The following LYPD6B variants were observed in gnomAD, a reference collection of about 807,000 sequenced individuals.
LYPD6B encodes the protein LY6/PLAUR domain containing 6B, also known as ly6/PLAUR domain-containing protein 6B.
A neutral mutation model predicts 22.8 loss-of-function variants in LYPD6B; 17 were observed. That is an observed-to-expected ratio of 0.75 (90% confidence interval 0.51 to 1.12). The LOEUF (loss-of-function observed/expected upper bound fraction) is 1.12, where lower values mean the gene tolerates loss of function less well. Ranked by LOEUF, LYPD6B falls within the 50% of genes most tolerant of loss-of-function variation. The probability of loss-of-function intolerance (pLI) is 0.00; values close to 1 mark genes in which losing one functional copy is unlikely to be tolerated. For synonymous variants in LYPD6B, 106 were observed against 91.6 expected (o/e 1.16, Z -0.90); for missense variants, 221 against 258.3 (o/e 0.86, Z 0.99).
At chr2:149,203,062 C>T (rs1423128127) in intron 3 of LYPD6B, among the ~76,000 whole-genome samples, 1 of 152,140 alleles carries the variant, frequency 6.6e-6, no homozygotes, top group African/African-American at 2.4e-5. Context: ...GAGCTTTAAC[C>T]ATGTGCTCAG....
intron 1 of LYPD6B, among the ~76,000 whole-genome samples, chr2:149,095,688 G>A (rs775931398): frequency 1.1e-4 from 16 of 152,240 alleles, no homozygotes; most frequent in South Asian, 6.2e-4. Flanking sequence ...GTGAAAGGGA[G>A]AGGGTGCAGG....
intron 4 of LYPD6B, chr2:149,205,971 T>A: frequency 2.2e-6 from 1 of 460,206 alleles, no homozygotes; most frequent in Middle Eastern, 4.0e-4. Context: ...TACATATGTC[T>A]AGATATGTGT....
chr2:149,168,294 T>C (rs1690572280), intron 3 of LYPD6B, among the ~76,000 whole-genome samples: 2 of 151,024 alleles, frequency 1.3e-5, no homozygotes, highest in East Asian at 1.9e-4. Context: ...GTGCTTTCAA[T>C]GGTTAAAGGC....
In LYPD6B at chr2:149,211,211, G is replaced by T. The variant is rs78699516; in HGVS notation, c.329-1781G>T. Among the ~76,000 whole-genome samples, 354 of 152,262 alleles carry T rather than the reference G, an allele frequency of 2.3e-3. 5 individuals are homozygous for T. Among genetic ancestry groups the T allele is most frequent in the East Asian group, 0.022 (113 of 5,162 alleles). ...CCATTCATGAAGGATCCACCCCCAT[G>T]ATTTAATCACCTCCCCTCTCCAACA... On this transcript the variant is annotated intron_variant, in intron 5 of 6. Transcript: ENST00000409642.
At chr2:149,170,658 A>G (rs1318846794) in intron 3 of LYPD6B, among the ~76,000 whole-genome samples, 2 of 152,228 alleles carry the variant, frequency 1.3e-5, no homozygotes, top group East Asian at 3.8e-4. Flanking sequence ...ATTTTGAAAC[A>G]TTATGGTTTA....
intron 1 of LYPD6B, among the ~76,000 whole-genome samples, chr2:149,086,592 C>T (rs945238552): frequency 6.6e-6 from 1 of 152,202 alleles, no homozygotes. Context: ...GGGTGATACG[C>T]TGTCCTAGGG....
At chr2:149,053,976 C>T (rs1278955467) in intron 1 of LYPD6B, among the ~76,000 whole-genome samples, 2 of 152,240 alleles carry the variant, frequency 1.3e-5, no homozygotes, top group Admixed American at 1.3e-4. Context: ...TGTACGAATA[C>T]ACCACATTTT....
At chr2:149,039,050 C>T (rs1369763279) in intron 1 of LYPD6B, among the ~76,000 whole-genome samples, 2 of 151,794 alleles carry the variant, frequency 1.3e-5, no homozygotes, top group Non-Finnish European at 2.9e-5. Context: ...GGGACGGGAG[C>T]AGGGGGCCGG....
In LYPD6B at chr2:149,049,742, A is replaced by G. The variant is rs150873516; in HGVS notation, c.-67+10941A>G. 2.0e-5 allele frequency among the ~76,000 whole-genome samples: 3 copies of G among 152,352 alleles called. No homozygotes were observed. The East Asian group carries it at 5.8e-4, about 29-fold the overall frequency. ...AGTGTCAAAAAGTTATGTTGTGAGTAAGTGCTCTTAGAGGTCACAGATGAA... is the reference window on the plus strand; with the variant it reads ...AGTGTCAAAAAGTTATGTTGTGAGTGAGTGCTCTTAGAGGTCACAGATGAA... On this transcript the variant is annotated intron_variant, in intron 1 of 6. Transcript: ENST00000409642.
At chr2:149,153,006 T>G (rs1689469966) in intron 2 of LYPD6B, among the ~76,000 whole-genome samples, 1 of 152,108 alleles carries the variant, frequency 6.6e-6, no homozygotes, top group Non-Finnish European at 1.5e-5. Flanking sequence ...AATGGAGCAG[T>G]AAGTACCCTA....
At chr2:149,207,369 A>G (rs1259369816) in intron 4 of LYPD6B, among the ~76,000 whole-genome samples, 2 of 152,164 alleles carry the variant, frequency 1.3e-5, no homozygotes, top group Non-Finnish European at 2.9e-5. Flanking sequence ...CTGTGTTACT[A>G]ATAGAATGAA....
chr2:149,089,882 G>C (rs553020834), intron 1 of LYPD6B, among the ~76,000 whole-genome samples: 4 of 152,318 alleles, frequency 2.6e-5, no homozygotes, highest in Non-Finnish European at 1.5e-5. Context: ...CAGAGGCTGG[G>C]TGGGTGAGTG....
intron 3 of LYPD6B, chr2:149,188,644 C>T (rs974322556): frequency 2.2e-6 from 2 of 904,176 alleles, no homozygotes; most frequent in African/African-American, 3.6e-5. Flanking sequence ...AATAATTTTC[C>T]ATTTGTATTA....
chr2:149,138,644 C>A (rs1688506432), intron 2 of LYPD6B, among the ~76,000 whole-genome samples: 2 of 152,148 alleles, frequency 1.3e-5, no homozygotes, highest in Admixed American at 1.3e-4. Flanking sequence ...TGGGCTCAAG[C>A]AATCCTGTCA....
chr2:149,066,926 T>C (rs1042522953), intron 1 of LYPD6B, among the ~76,000 whole-genome samples: 22 of 152,186 alleles, frequency 1.4e-4, no homozygotes, highest in Non-Finnish European at 2.4e-4. Context: ...GTGAGGATAG[T>C]ACCCAATAGT....
rs1379152258 is a variant in LYPD6B at position 149,187,397 on chromosome 2, A to G, written c.78-17856A>G. 3 of 1,500,186 alleles carry G rather than the reference A, an allele frequency of 2.0e-6. No individual in the cohort carries two copies. The African/African-American group carries it at 4.3e-5, about 22-fold the overall frequency. 92.9% of individuals were successfully genotyped at this position (1,500,186 alleles called of 1,614,324 possible). ...CTCTGCCATGGTCCCATGACTTGAT[A>G]CAATTGTTATAAGATTATTATTTTC... is the stretch of plus-strand genomic sequence containing the variant. On this transcript the variant is annotated intron_variant, in intron 3 of 6. Transcript: ENST00000409642.
At chr2:149,075,591 C>T (rs1444853477) in intron 1 of LYPD6B, among the ~76,000 whole-genome samples, 1 of 152,144 alleles carries the variant, frequency 6.6e-6, no homozygotes, top group East Asian at 1.9e-4. Context: ...AAAGAAAACT[C>T]ATTTATTTTT....
chr2:149,143,506 T>C (rs1303762200), intron 2 of LYPD6B, among the ~76,000 whole-genome samples: 1 of 102,254 alleles, frequency 9.8e-6, no homozygotes. Context: ...CATTGCAACA[T>C]GTGACGCAAA....
intron 1 of LYPD6B, among the ~76,000 whole-genome samples, chr2:149,044,862 A>G (rs1558965097): frequency 6.6e-6 from 1 of 152,050 alleles, no homozygotes; most frequent in Non-Finnish European, 1.5e-5. Flanking sequence ...ATCAACTGAC[A>G]GAACCATATG....
Sources: gnomAD v4.1 joint callset for allele counts (sites outside exome capture counted in the v4.1 genomes callset) on GRCh38, gnomAD v4.1.1 for gene constraint, MANE v1.5 for transcripts, NCBI Gene and HGNC (gene_info 2026-07-23, HGNC 2026-07-21) for gene names.